The following CEP63 variants were observed in gnomAD, a reference collection of about 807,000 sequenced individuals.
CEP63 encodes centrosomal protein 63, also known as centrosomal protein of 63 kDa.
In CEP63, 84 loss-of-function variants were observed where a neutral mutation model predicts 89.1. The ratio of observed to expected loss-of-function variants is 0.94; its 90% CI spans 0.79 to 1.13. The LOEUF (loss-of-function observed/expected upper bound fraction) is 1.13. CEP63 is among the 50% of genes most tolerant of loss of function. The pLI is 0.00. For synonymous variants in CEP63, 267 were observed against 272.5 expected, an observed-to-expected ratio of 0.98 and a Z score of 0.20; for missense variants, 838 against 813.3, an observed-to-expected ratio of 1.03 and a Z score of -0.37.
downstream of CEP63, among the ~76,000 whole-genome samples, chr3:134,592,163 A>T (rs1453062643): frequency 6.6e-6 from 1 of 152,164 alleles, no homozygotes; most frequent in Non-Finnish European, 1.5e-5. Context: ...TGTTGGCAGG[A>T]GGACTCACTC....
chr3:134,610,363 A>G, the CEP63 span: 153 of 1,612,868 alleles, frequency 9.5e-5, 2 homozygotes, highest in East Asian at 3.4e-3. Context: ...AGGCACGGTC[A>G]TACACTGCAC....
the CEP63 span, among the ~76,000 whole-genome samples, chr3:134,729,237 C>G: frequency 1.3e-5 from 2 of 152,164 alleles, no homozygotes; most frequent in African/African-American, 4.8e-5. Flanking sequence ...AGCAACAACT[C>G]CCATCCTCAC....
chr3:134,576,775 C>G (rs1958222067), downstream of CEP63, among the ~76,000 whole-genome samples: 1 of 152,108 alleles, frequency 6.6e-6, no homozygotes, highest in South Asian at 2.1e-4. Context: ...GGAAGTTGAC[C>G]CTGGCCTCGG....
the CEP63 span, among the ~76,000 whole-genome samples, chr3:134,703,083 C>G: frequency 6.6e-6 from 1 of 152,078 alleles, no homozygotes; most frequent in African/African-American, 2.4e-5. Context: ...ATCATGAGGT[C>G]AGGAGATCGA....
chr3:134,652,007 G>T, the CEP63 span, among the ~76,000 whole-genome samples: 21 of 152,194 alleles, frequency 1.4e-4, no homozygotes, highest in East Asian at 3.9e-3. Context: ...AGCCCTCCCC[G>T]CATTGGAGTG....
At chr3:134,702,050 A>C in the CEP63 span, among the ~76,000 whole-genome samples, 1 of 152,184 alleles carries the variant, frequency 6.6e-6, no homozygotes, top group South Asian at 2.1e-4. Context: ...AAAAATTGCT[A>C]GCATTCCTAG....
the CEP63 span, chr3:134,603,285 A>G: frequency 1.5e-5 from 4 of 275,116 alleles, no homozygotes; most frequent in Admixed American, 5.2e-5. Flanking sequence ...CAGCACTAAT[A>G]CGAGAAGGGG....
chr3:134,602,860 G>A, the CEP63 span, among the ~76,000 whole-genome samples: 4 of 152,228 alleles, frequency 2.6e-5, no homozygotes, highest in Non-Finnish European at 1.5e-5. Context: ...GCGGGCATGG[G>A]CTGCTCTTTG....
At chr3:134,548,121 C>T (rs1000263940) in intron 9 of CEP63, among the ~76,000 whole-genome samples, 4 of 152,154 alleles carry the variant, frequency 2.6e-5, no homozygotes, top group African/African-American at 4.8e-5. Flanking sequence ...GTATAAAATA[C>T]GCTGTAACAT....
At chr3:134,745,046 C>T in the CEP63 span, among the ~76,000 whole-genome samples, 1 of 152,164 alleles carries the variant, frequency 6.6e-6, no homozygotes, top group Admixed American at 6.5e-5. Flanking sequence ...TACCTATCAC[C>T]CCAAAGAATT....
At chr3:134,578,332 T>TGTTTGTTTG (rs766741491), downstream of CEP63, among the ~76,000 whole-genome samples, 1 of 67,870 alleles carries the variant, frequency 1.5e-5, no homozygotes. Context: ...GTTTTTTTTT[T>TGTTTGTTTG]TTTTTTTTTT....
At chr3:134,704,681 A>G in the CEP63 span, among the ~76,000 whole-genome samples, 6 of 152,244 alleles carry the variant, frequency 3.9e-5, no homozygotes, top group African/African-American at 1.4e-4. Flanking sequence ...GTCTGCTCCC[A>G]GACACTGGGC....
intron 1 of CEP63, among the ~76,000 whole-genome samples, chr3:134,491,248 T>C (rs1464938256): frequency 1.3e-5 from 2 of 152,210 alleles, no homozygotes; most frequent in African/African-American, 4.8e-5. Context: ...TATCAAACAT[T>C]TAATTTTTGG....
At chr3:134,486,517 C>T (rs947274223) in intron 1 of CEP63, 27 of 985,716 alleles carry the variant, frequency 2.7e-5, no homozygotes, top group Non-Finnish European at 3.1e-5. Flanking sequence ...AGCCCTTCCT[C>T]GGAGTCCAGG....
the CEP63 span, among the ~76,000 whole-genome samples, chr3:134,596,941 A>G: frequency 6.6e-6 from 1 of 152,230 alleles, no homozygotes; most frequent in Non-Finnish European, 1.5e-5. Context: ...CACAAAGGCC[A>G]GGCAGGGCTT....
At chr3:134,713,714 TG>T in the CEP63 span, among the ~76,000 whole-genome samples, 1 of 152,128 alleles carries the variant, frequency 6.6e-6, no homozygotes, top group Non-Finnish European at 1.5e-5. Context: ...GGGGCAAAAA[TG>T]TAAGGTGGTG....
chr3:134,753,330 C>T, the CEP63 span, among the ~76,000 whole-genome samples: 2 of 152,274 alleles, frequency 1.3e-5, no homozygotes, highest in African/African-American at 4.8e-5. Context: ...TGTCTCCCTG[C>T]GGTCAGTGCC....
rs746594781 is a variant in CEP63 at position 134,558,381 on chromosome 3, A to G, written c.1673+34A>G. 12 of 1,310,656 alleles carry G rather than the reference A, an allele frequency of 9.2e-6. 1 individual carries two copies. In the Middle Eastern group the frequency reaches 2.4e-3, roughly 261 times the overall value. The allele number at this position is 1,310,656 out of a possible 1,614,324, so 81.2% of individuals were successfully genotyped here. Reference sequence around the variant, plus strand: ...TTTTAAAAGTTTATTTAAAATGTGTATTGGTACAATATAATTCTCATTTCT... The same window carrying G: ...TTTTAAAAGTTTATTTAAAATGTGTGTTGGTACAATATAATTCTCATTTCT... On this transcript the variant is annotated intron_variant, in intron 13 of 14. Coordinates refer to ENST00000675561, the MANE Select transcript of CEP63 (RefSeq NM_001353108.3).
At chr3:134,537,021 A>C (rs1950894712) in intron 5 of CEP63, 134 bp from the exon 6 acceptor site, 1 of 715,152 alleles carries the variant, frequency 1.4e-6, no homozygotes, top group African/African-American at 1.7e-5. Context: ...TGAGTGAGTA[A>C]TGGGGCTCCC....
Sources: allele counts gnomAD v4.1 joint callset (sites outside exome capture counted in the v4.1 genomes callset), GRCh38; gene constraint gnomAD v4.1.1; transcripts MANE v1.5; gene names NCBI Gene and HGNC (gene_info 2026-07-23, HGNC 2026-07-21).